CACNA1C: variants seen among roughly 807,000 people sequenced by gnomAD.
CACNA1C encodes voltage-dependent L-type calcium channel subunit alpha-1C.
A neutral mutation model predicts 229.0 loss-of-function variants in CACNA1C; 30 were observed. The observed-to-expected ratio is 0.13, with a 90% CI of 0.10 to 0.18. CACNA1C has a LOEUF of 0.18. Among genes scored for constraint, CACNA1C ranks in the 10% least tolerant of loss-of-function variants. The pLI, the probability that CACNA1C is intolerant of heterozygous loss-of-function variation, is 1.00. For synonymous variants in CACNA1C, 1,114 were observed against 1,132.5 expected, an observed-to-expected ratio of 0.98 and a Z score of 0.33; for missense variants, 1,658 against 2,845.0, an observed-to-expected ratio of 0.58 and a Z score of 9.49.
intron 28 of CACNA1C, 107 bp downstream of exon 28, chr12:2,610,806 AC>A: frequency 1.8e-6 from 2 of 1,111,312 alleles, no homozygotes; most frequent in Non-Finnish European, 2.7e-6. Flanking sequence ...TTTCCTGGTC[AC>A]CAAGGGAGGC....
intron 3 of CACNA1C, among the ~76,000 whole-genome samples, chr12:2,206,899 T>C (rs1245502411): frequency 1.3e-5 from 2 of 152,274 alleles, no homozygotes; most frequent in Non-Finnish European, 2.9e-5. Context: ...TTTATACACA[T>C]ATTTTAATAA....
At chr12:2,236,275 CA>C (rs1467347302) in intron 3 of CACNA1C, among the ~76,000 whole-genome samples, 1 of 152,184 alleles carries the variant, frequency 6.6e-6, no homozygotes, top group Non-Finnish European at 1.5e-5. Flanking sequence ...TCAGGTCCAG[CA>C]AGCTCCCAGG....
At chr12:2,429,770 A>T (rs2099065358) in intron 3 of CACNA1C, among the ~76,000 whole-genome samples, 1 of 152,152 alleles carries the variant, frequency 6.6e-6, no homozygotes, top group African/African-American at 2.4e-5. Context: ...ACTTCGTGAT[A>T]TTCTATGGGC....
At chr12:2,005,803 T>G (rs1286451709) in intron 1 of CACNA1C, among the ~76,000 whole-genome samples, 2 of 152,362 alleles carry the variant, frequency 1.3e-5, no homozygotes, top group East Asian at 3.9e-4. Flanking sequence ...GACTAATGGA[T>G]TTTTAATGTA....
rs1051822091 is a variant in CACNA1C at position 2,633,304 on chromosome 12, C to A, written c.3829-993C>A. 6.6e-6 allele frequency among the ~76,000 whole-genome samples: 1 copy of A among 152,184 alleles called. No homozygotes were observed. The highest frequency in any genetic ancestry group is 2.4e-5 in the African/African-American group (1 of 41,438). ...ATAGTAGCCACATCCTGCCGCCTGG[C>A]GATTTGCACCACCCACGCCCCCCAC... is the stretch of plus-strand genomic sequence containing the variant. On this transcript the variant is annotated intron_variant, in intron 29 of 46. Transcript: ENST00000399655. The surrounding 1 kb of genome is among the most constrained non-coding windows in gnomAD (Gnocchi z 5.8).
chr12:2,595,614 C>T lies in CACNA1C; in HGVS notation c.2664-260C>T, dbSNP rs963401312. On this transcript the variant is annotated intron_variant, in intron 19 of 46. Coordinates refer to ENST00000399655, the MANE Select transcript of CACNA1C (RefSeq NM_000719.7). This position sits in a 1 kb window ranked among gnomAD's most constrained non-coding sequence, Gnocchi z 4.1. ...CAAAAGCCAGTTATGAATGTCAGAG[C>T]AGGATTTGGGAATTCAGAGATTCTC... 4.6e-5 allele frequency among the ~76,000 whole-genome samples: 7 copies of T among 152,100 alleles called. No homozygotes were observed. The highest frequency in any genetic ancestry group is 6.5e-5 in the Admixed American group (1 of 15,270).
chr12:2,504,617 T>G lies in CACNA1C; in HGVS notation c.1114-225T>G. The G allele has an allele frequency of 1.1e-6, 1 of 893,290 alleles. No homozygotes were observed. Among genetic ancestry groups the G allele is most frequent in the Non-Finnish European group, 1.9e-6 (1 of 529,144 alleles). The allele number at this position is 893,290 out of a possible 1,614,324, so 55.3% of individuals were successfully genotyped here. A position where few individuals can be genotyped will look rare whatever the true frequency, so the allele number is the denominator to read the frequency against. ...GGTTCCACTCCGTACATGCCCGGGG[T>G]CCTCAGGGATGGGACCCTGACAGGC... On this transcript the variant is annotated intron_variant, in intron 7 of 46. Transcript: ENST00000399655. The surrounding 1 kb of genome is among the most constrained non-coding windows in gnomAD (Gnocchi z 6.8).
At chr12:2,291,593 C>T (rs1290732805) in intron 3 of CACNA1C, among the ~76,000 whole-genome samples, 6 of 152,204 alleles carry the variant, frequency 3.9e-5, no homozygotes, top group East Asian at 1.9e-4. Flanking sequence ...TATTGAAACT[C>T]GTCACAGAAG....
intron 3 of CACNA1C, chr12:2,217,982 C>T (rs2060412155): frequency 6.6e-6 from 1 of 152,186 alleles, no homozygotes; most frequent in Admixed American, 6.5e-5. Flanking sequence ...ATTCAGTCTC[C>T]ACTTCTACCC....
At chr12:2,253,632 A>T (rs1279233916) in intron 3 of CACNA1C, among the ~76,000 whole-genome samples, 1 of 152,228 alleles carries the variant, frequency 6.6e-6, no homozygotes, top group African/African-American at 2.4e-5. Context: ...TGAAATAATG[A>T]TACCTTCCTC....
intron 3 of CACNA1C, chr12:2,220,878 GAA>G (rs879843444): frequency 1.3e-5 from 2 of 151,458 alleles, no homozygotes; most frequent in Admixed American, 1.3e-4. Flanking sequence ...GGCAAGAAGA[GAA>G]GAGAGAGAAA....
At position 2,053,125 on chromosome 12, in the gene CACNA1C, C is replaced by G; in HGVS notation, c.-438C>G. Reference sequence around the variant, plus strand: ...CCGGCTCCCTTTGACAGCAGAGAGCCGGGCAGGGGCCTCAGGAGGACTCGC... The same window carrying G: ...CCGGCTCCCTTTGACAGCAGAGAGCGGGGCAGGGGCCTCAGGAGGACTCGC... On this transcript the variant is annotated 5_prime_UTR_variant, in exon 1 of 47. Transcript: ENST00000399655. This position sits in a 1 kb window ranked among gnomAD's most constrained non-coding sequence, Gnocchi z 5.8. 1.0e-6 allele frequency: 1 copy of G among 984,792 alleles called. No homozygotes were observed. Among genetic ancestry groups the G allele is most frequent in the Non-Finnish European group, 1.2e-6 (1 of 829,676 alleles). 61.0% of individuals were successfully genotyped at this position (984,792 alleles called of 1,614,324 possible).
rs553478653 is a variant in CACNA1C, at chr12:2,565,901, T to A, written c.1509-521T>A. On this transcript the variant is annotated intron_variant, in intron 11 of 46. Coordinates refer to ENST00000399655, the MANE Select transcript of CACNA1C (RefSeq NM_000719.7). ...ACGGATGGCTCTGCCTGCTGTGATATTGGTCGAGTACTCAACCTCCCCAGC... is the reference window on the plus strand; with the variant it reads ...ACGGATGGCTCTGCCTGCTGTGATAATGGTCGAGTACTCAACCTCCCCAGC... Among the ~76,000 whole-genome samples the A allele has an allele frequency of 7.5e-4, 114 of 152,292 alleles. 1 individual carries two copies. Among genetic ancestry groups the A allele is most frequent in the African/African-American group, 2.7e-3 (111 of 41,560 alleles).
At chr12:2,222,252 C>A (rs912354471) in intron 3 of CACNA1C, 2 of 152,206 alleles carry the variant, frequency 1.3e-5, no homozygotes, top group African/African-American at 2.4e-5. Flanking sequence ...GGTGGCCCTT[C>A]TTAATACACT....
chr12:2,056,158 C>T (rs2054659001), intron 1 of CACNA1C, among the ~76,000 whole-genome samples: 1 of 151,900 alleles, frequency 6.6e-6, no homozygotes. Context: ...TGCTCCCTCA[C>T]CTTTTCCGTG....
In CACNA1C at chr12:2,688,673, G is replaced by T. The variant is rs374991642; in HGVS notation, c.6011G>T (p.Gly2004Val). ...SWAETTPGGG[G>V]SSAARRVRPV... ...GCTGAGACCACCCCCGGTGGCGGGG[G>T]CAGCAGCGCCGCCCGGAGAGTCCGG... Residue 2004 changes from glycine (G) to valine (V), a missense_variant, in exon 46 of 47, where the codon GGC becomes GTC. By Grantham distance (109) the Gly-to-Val change is moderately radical. This residue lies in a region of CACNA1C where 590 missense variants were observed against 700.8 expected (regional missense o/e 0.84). Coordinates refer to ENST00000399655, the MANE Select transcript of CACNA1C (RefSeq NM_000719.7). 1.1e-4 allele frequency: 173 copies of T among 1,613,350 alleles called. No homozygotes were observed. The highest frequency in any genetic ancestry group is 1.4e-4 in the Non-Finnish European group (161 of 1,179,762).
intron 1 of CACNA1C, among the ~76,000 whole-genome samples, chr12:2,104,271 C>T (rs955735930): frequency 5.9e-5 from 9 of 152,102 alleles, no homozygotes; most frequent in African/African-American, 2.2e-4. Context: ...TTGTAGTTCT[C>T]CTTGAAGAGG....
At chr12:2,598,109 G>C (rs138219212) in intron 21 of CACNA1C, among the ~76,000 whole-genome samples, 1 of 152,166 alleles carries the variant, frequency 6.6e-6, no homozygotes, top group Non-Finnish European at 1.5e-5. Flanking sequence ...GACTACTGCC[G>C]ACCCTCAGTC....
Position 2,181,245 on chromosome 12 carries a change from C to G in CACNA1C, c.477+60815C>G, listed in dbSNP as rs1052747955. On this transcript the variant is annotated intron_variant, in intron 3 of 46. Coordinates refer to ENST00000399655, the MANE Select transcript of CACNA1C (RefSeq NM_000719.7). The surrounding 1 kb of genome is among the most constrained non-coding windows in gnomAD (Gnocchi z 4.0). The stretch of plus-strand genomic sequence containing the variant: ...CATCTTTGCACCTCTGTTTCCTCAT[C>G]CAGAAAATGTTCAGCTGAATTGCAG... Among the ~76,000 whole-genome samples the G allele has an allele frequency of 6.6e-6, 1 of 152,154 alleles. No individual in the cohort carries two copies. The highest frequency in any genetic ancestry group is 6.5e-5 in the Admixed American group (1 of 15,270).
Sources: gnomAD v4.1 joint callset for allele counts (sites outside exome capture counted in the v4.1 genomes callset) on GRCh38, gnomAD v4.1.1 for gene constraint, gnomAD v4.1.1 regional missense constraint, Gnocchi (gnomAD v3.1) non-coding constraint, MANE v1.5 for transcripts, NCBI Gene and HGNC (gene_info 2026-07-23, HGNC 2026-07-21) for gene names.